The following ANO1 variants were observed in gnomAD, a reference collection of about 807,000 sequenced individuals.
ANO1 encodes the protein anoctamin 1, also known as anoctamin-1.
Under a neutral mutation model 124.0 loss-of-function variants are expected in ANO1, and 59 were observed. The ratio of observed to expected loss-of-function variants is 0.48; its 90% CI spans 0.39 to 0.59. ANO1 has a LOEUF of 0.59. Among genes scored for constraint, ANO1 ranks in the 20% least tolerant of loss-of-function variants. The probability of loss-of-function intolerance (pLI) is 0.00; values close to 1 mark genes in which losing one functional copy is unlikely to be tolerated. For synonymous variants in ANO1, 529 were observed against 532.0 expected (o/e 0.99, Z 0.08); for missense variants, 1,059 against 1,328.0 (o/e 0.80, Z 3.15).
chr11:70,060,061 C>T (rs961974977), intron 1 of ANO1, among the ~76,000 whole-genome samples: 10 of 146,948 alleles, frequency 6.8e-5, no homozygotes, highest in East Asian at 2.0e-4. Context: ...CCAGCCTTGG[C>T]GGCAGGAGAG....
Position 70,131,472 on chromosome 11 carries a change from C to A in ANO1, c.1098-447C>A, listed in dbSNP as rs60185122. Among the ~76,000 whole-genome samples, 636 of 152,210 alleles carry A rather than the reference C, an allele frequency of 4.2e-3. 3 individuals carry two copies. The highest frequency in any genetic ancestry group is 0.015 in the East Asian group (78 of 5,148). ...CCTCCCGAGTAGCTGGGATCACAGG[C>A]GCGTGCCACCATGCCCGGCTAATTT... On this transcript the variant is annotated intron_variant, in intron 10 of 25. Transcript: ENST00000355303.
chr11:70,034,706 G>A (rs1314440839), intron 1 of ANO1, among the ~76,000 whole-genome samples: 1 of 152,110 alleles, frequency 6.6e-6, no homozygotes, highest in Non-Finnish European at 1.5e-5. Context: ...TCCCTGTGAG[G>A]ATGAGCAGAG....
chr11:70,120,026 A>G (rs2509139), intron 8 of ANO1, among the ~76,000 whole-genome samples: 105,404 of 151,694 alleles, frequency 0.69, 36,882 homozygotes, highest in Admixed American at 0.76. Context: ...GCCTGGTGCC[A>G]AGTTTTTGCC....
chr11:70,106,185 G>T (rs547963340), intron 5 of ANO1, among the ~76,000 whole-genome samples: 85 of 152,260 alleles, frequency 5.6e-4, no homozygotes, highest in African/African-American at 2.0e-3. Flanking sequence ...AGGGAGGGTT[G>T]GTGGAGGCAA....
chr11:70,111,614 G>T (rs11234403), intron 6 of ANO1, 93 bp from the exon 7 acceptor site: 164,057 of 1,237,622 alleles, frequency 0.13, 11,622 homozygotes, highest in African/African-American at 0.17. Context: ...GAAGCTCTTA[G>T]TGGCTGAGAT....
intron 21 of ANO1, among the ~76,000 whole-genome samples, chr11:70,169,538 C>T (rs749496149): frequency 1.7e-4 from 26 of 151,808 alleles, no homozygotes; most frequent in Non-Finnish European, 3.2e-4. Flanking sequence ...GGCAGCGCCT[C>T]TCGGAAGTGA....
intron 1 of ANO1, among the ~76,000 whole-genome samples, chr11:70,024,141 C>T (rs1020734869): frequency 1.3e-5 from 2 of 152,242 alleles, no homozygotes; most frequent in Non-Finnish European, 2.9e-5. Flanking sequence ...CTGGCTTTCA[C>T]CTTGGGCAGC....
At chr11:70,037,181 T>A (rs1857108596) in intron 1 of ANO1, among the ~76,000 whole-genome samples, 1 of 152,020 alleles carries the variant, frequency 6.6e-6, no homozygotes, top group South Asian at 2.1e-4. Flanking sequence ...AAATCCAGCT[T>A]AGGCGGCCCA....
chr11:69,977,620 G>A, the ANO1 span, among the ~76,000 whole-genome samples: 2 of 152,246 alleles, frequency 1.3e-5, no homozygotes, highest in African/African-American at 4.8e-5. Context: ...CTGAGTGAGA[G>A]ATCCAATGCG....
chr11:70,011,018 G>T (rs1428256730), intron 1 of ANO1, among the ~76,000 whole-genome samples: 1 of 152,242 alleles, frequency 6.6e-6, no homozygotes, highest in Non-Finnish European at 1.5e-5. Flanking sequence ...AATGCAGATA[G>T]AATATACAAG....
intron 23 of ANO1, among the ~76,000 whole-genome samples, chr11:70,180,962 C>T (rs1565285610): frequency 6.6e-6 from 1 of 152,056 alleles, no homozygotes; most frequent in Non-Finnish European, 1.5e-5. Context: ...CTCTCCTATC[C>T]CCAGGCCTGC....
upstream of ANO1, among the ~76,000 whole-genome samples, chr11:70,075,646 A>T (rs971242931): frequency 1.3e-5 from 2 of 152,136 alleles, no homozygotes; most frequent in East Asian, 3.9e-4. Context: ...ATGAGCAGGG[A>T]ATTAATCCTG....
At chr11:70,146,444 G>C (rs1483359551) in intron 11 of ANO1, among the ~76,000 whole-genome samples, 3 of 152,194 alleles carry the variant, frequency 2.0e-5, no homozygotes, top group Non-Finnish European at 4.4e-5. Flanking sequence ...CGGAGCGGTA[G>C]TGGGGTGAGT....
At chr11:70,101,513 G>A (rs1023357539) in intron 2 of ANO1, among the ~76,000 whole-genome samples, 14 of 138,374 alleles carry the variant, frequency 1.0e-4, no homozygotes, top group African/African-American at 2.7e-4. Context: ...CTGAGAACAC[G>A]CCACTGCATT....
rs184090121 is a variant in ANO1 at position 70,016,823 on chromosome 11, G to A, written c.58+30657G>A. Among the ~76,000 whole-genome samples, 7 of 152,336 alleles carry A rather than the reference G, an allele frequency of 4.6e-5. No homozygotes were observed. The East Asian group carries it at 1.4e-3, about 29-fold the overall frequency. ...CAAAGGAGATAGGGAATCTGCTATCGATACAGGGCTTCTACCAAGATCTGT... is the reference window on the plus strand; with the variant it reads ...CAAAGGAGATAGGGAATCTGCTATCAATACAGGGCTTCTACCAAGATCTGT... On this transcript the variant is annotated intron_variant, in intron 1 of 27. Transcript: ENST00000531349.
At position 70,037,699 on chromosome 11, in the gene ANO1, G is replaced by C. The variant is rs116552584; in HGVS notation, c.59-40843G>C. Among the ~76,000 whole-genome samples, 819 of 152,212 alleles carry C rather than the reference G, an allele frequency of 5.4e-3. 10 individuals carry two copies. Among genetic ancestry groups the C allele is most frequent in the African/African-American group, 0.019 (786 of 41,528 alleles). On this transcript the variant is annotated intron_variant, in intron 1 of 27. Coordinates refer to the ANO1 transcript ENST00000531349. ...CTTGAAGACTTGAAACTCTATACCC[G>C]AAGCACCTCATGGAACAGCTGCCAG...
chr11:69,989,075 C>T (rs577790646), intron 1 of ANO1, among the ~76,000 whole-genome samples: 1 of 152,224 alleles, frequency 6.6e-6, no homozygotes, highest in Admixed American at 6.5e-5. Flanking sequence ...GTGCCAGTCA[C>T]CCATGGAAGC....
At chr11:70,093,324 C>G (rs1434595730) in intron 2 of ANO1, among the ~76,000 whole-genome samples, 1 of 151,734 alleles carries the variant, frequency 6.6e-6, no homozygotes, top group East Asian at 1.9e-4. Flanking sequence ...TTCCCTCTCC[C>G]TCCCCTTCTC....
chr11:70,032,172 T>C (rs1857013340), intron 1 of ANO1, among the ~76,000 whole-genome samples: 1 of 152,036 alleles, frequency 6.6e-6, no homozygotes, highest in Non-Finnish European at 1.5e-5. Context: ...AGGACGGAAA[T>C]GCAGGATGAG....
Sources: allele counts gnomAD v4.1 joint callset (sites outside exome capture counted in the v4.1 genomes callset), GRCh38; gene constraint gnomAD v4.1.1; transcripts MANE v1.5; gene names NCBI Gene and HGNC (gene_info 2026-07-23, HGNC 2026-07-21).